Variants in UPRT observed in about 807,000 individuals in gnomAD.
The protein encoded by UPRT is RP11-311P8.3.
Under a neutral mutation model 22.6 loss-of-function variants are expected in UPRT, and 5 were observed. The ratio of observed to expected loss-of-function variants is 0.22; its 90% CI spans 0.12 to 0.47. The LOEUF (loss-of-function observed/expected upper bound fraction) is 0.47, where lower values mean the gene tolerates loss of function less well. Among genes scored for constraint, UPRT ranks in the 20% least tolerant of loss-of-function variants. The pLI is 0.99. For synonymous variants in UPRT, 77 were observed against 87.7 expected, an observed-to-expected ratio of 0.88 and a Z score of 0.68; for missense variants, 181 against 239.9, an observed-to-expected ratio of 0.75 and a Z score of 1.62.
At position 75,304,676 on chromosome X, in the gene UPRT, A is replaced by G. The variant is rs1448944778; in HGVS notation, c.*1165A>G. Reference sequence around the variant, plus strand: ...CTGTTGTGGGCCTCTGTTCAAAAGCACAGAAAAGAGCAGAAGGAAATGTCT... The same window carrying G: ...CTGTTGTGGGCCTCTGTTCAAAAGCGCAGAAAAGAGCAGAAGGAAATGTCT... On this transcript the variant is annotated 3_prime_UTR_variant, in exon 7 of 7. Coordinates refer to ENST00000373383, the MANE Select transcript of UPRT (RefSeq NM_145052.4). 9.0e-6 allele frequency: 1 copy of G among 111,674 alleles called. No individual in the cohort carries two copies. The highest frequency in any genetic ancestry group is 3.3e-5 in the African/African-American group (1 of 30,720). The allele number at this position is 111,674 out of a possible 1,213,427, so 9.2% of individuals were successfully genotyped here. A position where few individuals can be genotyped will look rare whatever the true frequency, so the allele number is the denominator to read the frequency against.
chrX:75,262,733 T>A (rs2082573074), intron 4 of UPRT, among the ~76,000 whole-genome samples: 1 of 111,851 alleles, frequency 8.9e-6, no homozygotes, highest in Admixed American at 9.6e-5. Context: ...GGTAAAGGAA[T>A]CAAGGCAACA....
At chrX:75,290,503 C>T (rs2082702364) in intron 1 of UPRT, among the ~76,000 whole-genome samples, 2 of 111,702 alleles carry the variant, frequency 1.8e-5, no homozygotes, top group Non-Finnish European at 3.8e-5. Context: ...CTTGTATGTT[C>T]ATCACAACAG....
At chrX:75,215,176 A>G (rs1012211068) in intron 4 of UPRT, among the ~76,000 whole-genome samples, 23 of 111,890 alleles carry the variant, frequency 2.1e-4, no homozygotes, top group African/African-American at 6.2e-4. Context: ...CTAATTGAAA[A>G]TGAAATGACA....
Position 75,286,370 on chromosome X carries a change from C to T in UPRT, c.387-7102C>T, listed in dbSNP as rs12007015. On this transcript the variant is annotated intron_variant, in intron 1 of 6. Coordinates refer to ENST00000373383, the MANE Select transcript of UPRT (RefSeq NM_145052.4). ...GGCAAACCTATGCCCAACTACAACACCCAACCTGCCCCTCGCCCCATATGC... is the reference window on the plus strand; with the variant it reads ...GGCAAACCTATGCCCAACTACAACATCCAACCTGCCCCTCGCCCCATATGC... Among the ~76,000 whole-genome samples the T allele has an allele frequency of 4.6e-4, 51 of 110,257 alleles. No individual in the cohort carries two copies. In the South Asian group the frequency reaches 0.013, roughly 29 times the overall value.
chrX:75,250,848 A>G (rs887396892), intron 4 of UPRT, among the ~76,000 whole-genome samples: 20 of 112,026 alleles, frequency 1.8e-4, no homozygotes, highest in African/African-American at 6.2e-4. Flanking sequence ...CAGCACATCA[A>G]AAAGCTTATC....
chrX:75,211,567 A>G (rs767890372), intron 4 of UPRT, among the ~76,000 whole-genome samples: 1 of 111,546 alleles, frequency 9.0e-6, no homozygotes, highest in East Asian at 2.8e-4. Context: ...AAAGAAAGAA[A>G]AAGAGGATGG....
At chrX:75,224,683 T>C (rs913217330) in intron 4 of UPRT, among the ~76,000 whole-genome samples, 1 of 111,918 alleles carries the variant, frequency 8.9e-6, no homozygotes, top group Non-Finnish European at 1.9e-5. Context: ...TTCTAAGGAA[T>C]AGTTCCTGAG....
At chrX:75,240,836 C>T (rs1355032869) in intron 4 of UPRT, among the ~76,000 whole-genome samples, 1 of 111,415 alleles carries the variant, frequency 9.0e-6, no homozygotes, top group African/African-American at 3.3e-5. Context: ...GGAAAGGACA[C>T]CCTATTCAAC....
chrX:75,263,310 G>T (rs1019051861), intron 4 of UPRT, among the ~76,000 whole-genome samples: 2 of 111,776 alleles, frequency 1.8e-5, no homozygotes, highest in African/African-American at 6.5e-5. Context: ...GCTCCTCCCT[G>T]TACCTCTGGT....
chrX:75,266,637 A>T (rs1157252529), intron 4 of UPRT, among the ~76,000 whole-genome samples: 1 of 111,591 alleles, frequency 9.0e-6, no homozygotes, highest in Non-Finnish European at 1.9e-5. Flanking sequence ...AGAAACTACC[A>T]TCAGAGTGAA....
intron 2 of UPRT, among the ~76,000 whole-genome samples, chrX:75,161,761 G>A (rs970616285): frequency 3.6e-5 from 4 of 111,643 alleles, no homozygotes; most frequent in African/African-American, 6.5e-5. Context: ...AGTAAACAGC[G>A]GAGTCAAAAC....
chrX:75,201,193 G>T (rs1401743153), intron 4 of UPRT, among the ~76,000 whole-genome samples: 1 of 112,057 alleles, frequency 8.9e-6, no homozygotes, highest in Admixed American at 9.5e-5. Flanking sequence ...TCACTAAAAT[G>T]CTTACCCTTT....
intron 4 of UPRT, among the ~76,000 whole-genome samples, chrX:75,268,602 A>G (rs1298078123): frequency 8.9e-6 from 1 of 111,969 alleles, no homozygotes; most frequent in Non-Finnish European, 1.9e-5. Context: ...GGCTGGTTCA[A>G]CATATGCAAA....
At chrX:75,300,753 C>T in intron 5 of UPRT, 114 bp from the exon 6 acceptor site, 1 of 569,544 alleles carries the variant, frequency 1.8e-6, no homozygotes. Context: ...TGCCACTGCA[C>T]TCCAGCCTGA....
chrX:75,232,913 G>A (rs1424870904), intron 4 of UPRT, among the ~76,000 whole-genome samples: 2 of 112,379 alleles, frequency 1.8e-5, no homozygotes, highest in Non-Finnish European at 3.8e-5. Context: ...TTCCTCACCA[G>A]CAACAGAACA....
chrX:75,274,407 C>T lies in UPRT; in HGVS notation c.153C>T (p.Leu51=). ...GNRASRAKVI[L]LTGYAHSSLP... is the part of the protein sequence containing the mutation. ...GAGCCTCCAGGGCCAAGGTGATTCT[C>T]CTCACGGGGTACGCCCATTCTAGCC... Residue 51 remains leucine, a synonymous_variant, in exon 1 of 7, where the codon CTC becomes CTT. Coordinates refer to ENST00000373383, the MANE Select transcript of UPRT (RefSeq NM_145052.4). 8.3e-7 allele frequency: 1 copy of T among 1,211,473 alleles called. No homozygotes were observed. The highest frequency in any genetic ancestry group is 1.1e-6 in the Non-Finnish European group (1 of 895,402).
chrX:75,296,538 T>C, intron 3 of UPRT, 127 bp downstream of exon 3: 1 of 540,380 alleles, frequency 1.9e-6, no homozygotes, highest in Non-Finnish European at 2.9e-6. Flanking sequence ...GCTATTCTTT[T>C]AAAATCTTAA....
intron 4 of UPRT, among the ~76,000 whole-genome samples, chrX:75,189,009 T>G (rs1028545213): frequency 1.5e-4 from 17 of 112,245 alleles, no homozygotes; most frequent in Non-Finnish European, 2.3e-4. Flanking sequence ...TGTAGACCTG[T>G]GCTGTTCCTA....
intron 4 of UPRT, among the ~76,000 whole-genome samples, chrX:75,263,029 T>C (rs2082574128): frequency 9.0e-6 from 1 of 111,145 alleles, no homozygotes; most frequent in African/African-American, 3.3e-5. Flanking sequence ...ATCGCACTTA[T>C]TCTGAAATTG....
Sources: allele counts gnomAD v4.1 joint callset (sites outside exome capture counted in the v4.1 genomes callset), GRCh38; gene constraint gnomAD v4.1.1; transcripts MANE v1.5; gene names NCBI Gene and HGNC (gene_info 2026-07-23, HGNC 2026-07-21).